VPS45: variants seen among roughly 807,000 people sequenced by gnomAD.
VPS45 encodes the protein vacuolar protein sorting 45 homolog.
In VPS45, 35 loss-of-function variants were observed where a neutral mutation model predicts 75.9. The observed-to-expected ratio is 0.46, with a 90% confidence interval of 0.35 to 0.61. The LOEUF (loss-of-function observed/expected upper bound fraction) is 0.61, where lower values mean the gene tolerates loss of function less well. Among genes scored for constraint, VPS45 ranks in the 20% least tolerant of loss-of-function variants. VPS45 has a pLI of 0.00. For missense variants in VPS45, 559 were observed against 685.9 expected (o/e 0.81, Z 2.07); for synonymous variants, 220 against 238.2 (o/e 0.92, Z 0.70).
chr1:150,089,652 G>A (rs1656222825), intron 10 of VPS45, among the ~76,000 whole-genome samples: 1 of 152,098 alleles, frequency 6.6e-6, no homozygotes, highest in African/African-American at 2.4e-5. Flanking sequence ...GTAAGCCATG[G>A]CACCCGGCCC....
intron 9 of VPS45, 76 bp from the exon 10 acceptor site, chr1:150,082,640 C>G: frequency 1.3e-6 from 2 of 1,520,488 alleles, no homozygotes; most frequent in South Asian, 2.7e-5. Flanking sequence ...CCCGCTTTCC[C>G]CAACCCCCAT....
intron 14 of VPS45, among the ~76,000 whole-genome samples, chr1:150,123,984 A>G (rs1658372141): frequency 6.6e-6 from 1 of 152,178 alleles, no homozygotes; most frequent in Non-Finnish European, 1.5e-5. Flanking sequence ...TAATTACTGT[A>G]CATAGTATAT....
intron 3 of VPS45, among the ~76,000 whole-genome samples, chr1:150,073,425 A>G (rs1655188757): frequency 6.6e-6 from 1 of 152,152 alleles, no homozygotes; most frequent in Non-Finnish European, 1.5e-5. Flanking sequence ...CTCATATTTT[A>G]TTTCATTCAG....
Position 150,145,179 on chromosome 1 carries a change from C to G in VPS45, c.*383C>G, listed in dbSNP as rs1659611217. On this transcript the variant is annotated 3_prime_UTR_variant, in exon 15 of 15. Transcript: ENST00000644510. The stretch of plus-strand genomic sequence containing the variant: ...TCTTCCCTTAACCCTTTCTGCTTTT[C>G]ATTAACCACATTCCTGCACAACTCA... 2.7e-6 allele frequency: 1 copy of G among 366,774 alleles called. No individual in the cohort carries two copies. The highest frequency in any genetic ancestry group is 4.1e-5 in the Admixed American group (1 of 24,170). The allele number at this position is 366,774 out of a possible 1,614,324, so 22.7% of individuals were successfully genotyped here.
chr1:150,068,132 C>T (rs1197594938), intron 1 of VPS45, 182 bp downstream of exon 1: 15 of 603,328 alleles, frequency 2.5e-5, no homozygotes, highest in South Asian at 4.2e-5. Context: ...ATGGCTCCAG[C>T]CACTGCCTAG....
chr1:150,087,249 G>C (rs1406276119), intron 10 of VPS45, among the ~76,000 whole-genome samples: 1 of 152,126 alleles, frequency 6.6e-6, no homozygotes, highest in Non-Finnish European at 1.5e-5. Flanking sequence ...GCTTTGCTTT[G>C]CTTTGCTTTT....
chr1:150,068,025 G>C, intron 1 of VPS45, 75 bp downstream of exon 1: 1 of 1,411,584 alleles, frequency 7.1e-7, no homozygotes. Context: ...TCCACTGTAG[G>C]ACTTAGCATT....
intron 14 of VPS45, among the ~76,000 whole-genome samples, chr1:150,119,345 T>C (rs976206555): frequency 6.6e-6 from 1 of 152,214 alleles, no homozygotes; most frequent in East Asian, 1.9e-4. Context: ...TAATATGATA[T>C]GGAGGAGAAA....
chr1:150,125,423 A>G (rs1658456476), intron 14 of VPS45, among the ~76,000 whole-genome samples: 1 of 150,810 alleles, frequency 6.6e-6, no homozygotes. Context: ...TTTGTTACAT[A>G]TGTATACATG....
chr1:150,093,434 T>C, intron 12 of VPS45, 93 bp from the exon 13 acceptor site: 1 of 1,375,074 alleles, frequency 7.3e-7, no homozygotes, highest in Non-Finnish European at 9.8e-7. Flanking sequence ...GAAATCTCTA[T>C]TGAGTGTATG....
At chr1:150,142,155 T>C (rs1442731922) in intron 14 of VPS45, among the ~76,000 whole-genome samples, 1 of 152,114 alleles carries the variant, frequency 6.6e-6, no homozygotes, top group Non-Finnish European at 1.5e-5. Flanking sequence ...AGTAAGTGTG[T>C]TCTCATTATA....
At chr1:150,135,485 C>T (rs989519359) in intron 14 of VPS45, among the ~76,000 whole-genome samples, 14 of 151,516 alleles carry the variant, frequency 9.2e-5, no homozygotes, top group South Asian at 2.1e-4. Context: ...AGGCTGGTCG[C>T]GAACTCCTGA....
intron 13 of VPS45, among the ~76,000 whole-genome samples, chr1:150,097,718 CAAAACA>C (rs1373930064): frequency 6.6e-6 from 1 of 150,662 alleles, no homozygotes; most frequent in Non-Finnish European, 1.5e-5. Flanking sequence ...GGCTCCGTCT[CAAAACA>C]AAACAAAACA....
At chr1:150,092,448 G>A (rs1215250662) in intron 12 of VPS45, 39 bp downstream of exon 12, 5 of 1,548,090 alleles carry the variant, frequency 3.2e-6, no homozygotes, top group African/African-American at 1.4e-5. Context: ...AGTGAGAACA[G>A]TTGAAGTCCT....
intron 6 of VPS45, 91 bp downstream of exon 6, chr1:150,077,322 C>A: frequency 6.9e-7 from 1 of 1,453,698 alleles, no homozygotes; most frequent in Non-Finnish European, 9.3e-7. Context: ...TTATTTACAA[C>A]CAAGGAGATG....
intron 14 of VPS45, among the ~76,000 whole-genome samples, chr1:150,118,348 G>A (rs1372832066): frequency 6.8e-6 from 1 of 147,136 alleles, no homozygotes; most frequent in Non-Finnish European, 1.5e-5. Context: ...GTAGAAAAAA[G>A]AAAAAAAAAT....
chr1:150,104,391 C>T (rs782469809), intron 13 of VPS45, among the ~76,000 whole-genome samples: 4 of 152,122 alleles, frequency 2.6e-5, no homozygotes, highest in Non-Finnish European at 5.9e-5. Context: ...ATATATACCA[C>T]ATTTTCTTTA....
chr1:150,080,437 C>T (rs1219017196), intron 7 of VPS45, among the ~76,000 whole-genome samples: 1 of 152,156 alleles, frequency 6.6e-6, no homozygotes, highest in Non-Finnish European at 1.5e-5. Context: ...AGCCACCATG[C>T]CCAGCCTTGT....
intron 10 of VPS45, among the ~76,000 whole-genome samples, chr1:150,089,055 C>T (rs1396343064): frequency 2.0e-5 from 3 of 152,148 alleles, no homozygotes; most frequent in African/African-American, 2.4e-5. Context: ...TATTTCTCCA[C>T]GTCATCATCA....
Sources: allele counts gnomAD v4.1 joint callset (sites outside exome capture counted in the v4.1 genomes callset), GRCh38; gene constraint gnomAD v4.1.1; transcripts MANE v1.5; gene names NCBI Gene and HGNC (gene_info 2026-07-23, HGNC 2026-07-21).